RABGAP1L: variants seen among roughly 807,000 people sequenced by gnomAD.
The protein encoded by RABGAP1L is RAB GTPase activating protein 1 like, also known as rab GTPase-activating protein 1-like.
Under a neutral mutation model 137.7 loss-of-function variants are expected in RABGAP1L, and 63 were observed. The observed-to-expected ratio is 0.46, with a 90% CI of 0.37 to 0.56. The LOEUF is 0.56. Among genes scored for constraint, RABGAP1L ranks in the 20% least tolerant of loss-of-function variants. The pLI is 0.00. For missense variants in RABGAP1L, 1,095 were observed against 1,244.0 expected, an observed-to-expected ratio of 0.88 and a Z score of 1.80; for synonymous variants, 431 against 433.7, an observed-to-expected ratio of 0.99 and a Z score of 0.08.
In RABGAP1L at chr1:174,448,854, A is replaced by G; in HGVS notation, c.1710+54709A>G. On this transcript the variant is annotated intron_variant, in intron 13 of 25. Coordinates refer to ENST00000681986, the MANE Select transcript of RABGAP1L (RefSeq NM_001366446.1). This position sits in a 1 kb window ranked among gnomAD's most constrained non-coding sequence, Gnocchi z 4.2. ...CGAAGAGCCCGATTCCCTAGTCATGAGGTAGATTCTTCCAGAGAGACTGGA... is the reference window on the plus strand; with the variant it reads ...CGAAGAGCCCGATTCCCTAGTCATGGGGTAGATTCTTCCAGAGAGACTGGA... 1 of 1,614,052 alleles carries G rather than the reference A, an allele frequency of 6.2e-7. No homozygotes were observed. The highest frequency in any genetic ancestry group is 8.5e-7 in the Non-Finnish European group (1 of 1,179,952).
At chr1:174,588,624 A>G (rs541610186) in intron 13 of RABGAP1L, among the ~76,000 whole-genome samples, 2 of 152,142 alleles carry the variant, frequency 1.3e-5, no homozygotes, top group East Asian at 1.9e-4. Flanking sequence ...TTCTCAACCT[A>G]TGGTAACTAT....
intron 15 of RABGAP1L, among the ~76,000 whole-genome samples, chr1:174,683,865 G>T (rs566036276): frequency 1.6e-4 from 24 of 152,216 alleles, no homozygotes; most frequent in African/African-American, 5.5e-4. Flanking sequence ...TAAAGAAGTC[G>T]GTATAACTGC....
At chr1:174,839,028 CGTGTGTGTGTGTGT>C (rs71726767) in intron 19 of RABGAP1L, among the ~76,000 whole-genome samples, 21 of 130,046 alleles carry the variant, frequency 1.6e-4, no homozygotes, top group Non-Finnish European at 2.7e-4. Context: ...AACTTTTTTA[CGTGTGTGTGTGTGT>C]GTGTGTGTGT....
chr1:174,862,816 A>C (rs911582420), intron 19 of RABGAP1L, among the ~76,000 whole-genome samples: 1 of 151,948 alleles, frequency 6.6e-6, no homozygotes, highest in African/African-American at 2.4e-5. Flanking sequence ...AAATTTATAT[A>C]TTTGTGTATT....
chr1:174,876,783 T>A (rs1040427638), intron 19 of RABGAP1L, among the ~76,000 whole-genome samples: 7 of 152,078 alleles, frequency 4.6e-5, no homozygotes, highest in Non-Finnish European at 1.0e-4. Context: ...AAATACTTAT[T>A]TTTTTTAGTA....
intron 15 of RABGAP1L, among the ~76,000 whole-genome samples, chr1:174,693,432 G>C (rs992930810): frequency 6.6e-6 from 1 of 152,154 alleles, no homozygotes; most frequent in Non-Finnish European, 1.5e-5. Flanking sequence ...AAAAACAAAA[G>C]TAATAAGTAC....
intron 14 of RABGAP1L, among the ~76,000 whole-genome samples, chr1:174,671,417 C>T (rs1216042228): frequency 6.6e-6 from 1 of 152,136 alleles, no homozygotes; most frequent in Non-Finnish European, 1.5e-5. Flanking sequence ...TTCAGCTTTT[C>T]CTCATTCAGC....
chr1:174,681,610 A>G (rs61826957), intron 14 of RABGAP1L, among the ~76,000 whole-genome samples: 13,654 of 152,266 alleles, frequency 0.09, 831 homozygotes, highest in East Asian at 0.22. Flanking sequence ...AGTGATGGAA[A>G]TATTTATAAT....
chr1:174,503,842 T>A (rs1661568823), intron 13 of RABGAP1L, among the ~76,000 whole-genome samples: 1 of 152,000 alleles, frequency 6.6e-6, no homozygotes, highest in African/African-American at 2.4e-5. Context: ...TATAAAGTAT[T>A]GATGAAATAA....
intron 19 of RABGAP1L, among the ~76,000 whole-genome samples, chr1:174,957,014 TAA>T (rs1668606447): frequency 6.6e-6 from 1 of 152,152 alleles, no homozygotes; most frequent in Non-Finnish European, 1.5e-5. Context: ...ATTTTCAACA[TAA>T]TAGAAGGATA....
chr1:174,319,597 G>A (rs921345200), intron 11 of RABGAP1L, among the ~76,000 whole-genome samples: 2 of 152,134 alleles, frequency 1.3e-5, no homozygotes, highest in Admixed American at 1.3e-4. Context: ...TAGGAATGGT[G>A]AGAAGGGACA....
At chr1:174,523,242 C>T (rs1346057395) in intron 13 of RABGAP1L, among the ~76,000 whole-genome samples, 1 of 152,168 alleles carries the variant, frequency 6.6e-6, no homozygotes, top group Non-Finnish European at 1.5e-5. Context: ...TGTCAACAAG[C>T]CCTGTCCGTT....
At chr1:174,517,721 G>A (rs1558302152) in intron 13 of RABGAP1L, among the ~76,000 whole-genome samples, 1 of 152,116 alleles carries the variant, frequency 6.6e-6, no homozygotes, top group Admixed American at 6.6e-5. Context: ...TAAGCAATGT[G>A]TTCCACTCCT....
At position 174,811,879 on chromosome 1, in the gene RABGAP1L, G is replaced by A. The variant is rs780436959; in HGVS notation, c.2259G>A (p.Lys753=). Reference sequence around the variant, plus strand: ...AGGCTGATTTTGAAGGTGCTTTAAAGTTCTTTAGAGTTCAGCTTCCAAAGA... The same window carrying A: ...AGGCTGATTTTGAAGGTGCTTTAAAATTCTTTAGAGTTCAGCTTCCAAAGA... ...LLQADFEGAL[K]FFRVQLPKRY... is the part of the protein sequence containing the mutation. Residue 753 remains lysine, a synonymous_variant, in exon 19 of 26, where the codon AAG becomes AAA. Coordinates refer to ENST00000681986, the MANE Select transcript of RABGAP1L (RefSeq NM_001366446.1). 3 of 1,608,972 alleles carry A rather than the reference G, an allele frequency of 1.9e-6. No individual in the cohort carries two copies. Among genetic ancestry groups the A allele is most frequent in the African/African-American group, 1.3e-5 (1 of 74,908 alleles).
chr1:174,493,744 C>T (rs1444265711), intron 13 of RABGAP1L, among the ~76,000 whole-genome samples: 3 of 149,730 alleles, frequency 2.0e-5, no homozygotes, highest in Non-Finnish European at 3.0e-5. Context: ...TCACCTGACT[C>T]CGTGAGGTTG....
chr1:174,324,133 A>G (rs1421150047), intron 11 of RABGAP1L, among the ~76,000 whole-genome samples: 2 of 152,062 alleles, frequency 1.3e-5, no homozygotes, highest in Admixed American at 1.3e-4. Context: ...ATTTTTTTTT[A>G]GTCTTAGTAA....
chr1:174,573,247 GTATATA>G (rs1290516197), intron 13 of RABGAP1L, among the ~76,000 whole-genome samples: 11 of 150,958 alleles, frequency 7.3e-5, no homozygotes, highest in Non-Finnish European at 1.5e-4. Flanking sequence ...ATGTATGTGT[GTATATA>G]TGTGTGACAT....
rs187735292 is a variant in RABGAP1L, at chr1:174,544,361, G to A, written c.1711-93014G>A. 4.6e-5 allele frequency among the ~76,000 whole-genome samples: 7 copies of A among 152,054 alleles called. No individual in the cohort carries two copies. The East Asian group carries it at 1.2e-3, about 25-fold the overall frequency. On this transcript the variant is annotated intron_variant, in intron 13 of 25. Coordinates refer to ENST00000681986, the MANE Select transcript of RABGAP1L (RefSeq NM_001366446.1). ...TTCATTCATTTGATCTTCAATCACT[G>A]ATACCCTTTCTTCCACTTGATTTAA...
intron 14 of RABGAP1L, among the ~76,000 whole-genome samples, chr1:174,643,726 T>A (rs925425635): frequency 7.9e-5 from 12 of 152,136 alleles, no homozygotes; most frequent in Non-Finnish European, 1.5e-4. Context: ...TATTAATCTC[T>A]TAGAGTCAGA....
Sources: gnomAD v4.1 joint callset for allele counts (sites outside exome capture counted in the v4.1 genomes callset) on GRCh38, gnomAD v4.1.1 for gene constraint, Gnocchi (gnomAD v3.1) non-coding constraint, MANE v1.5 for transcripts, NCBI Gene and HGNC (gene_info 2026-07-23, HGNC 2026-07-21) for gene names.